Variants in THAP4 observed in about 807,000 individuals in gnomAD.
THAP4 encodes the protein peroxynitrite isomerase THAP4.
In THAP4, 18 loss-of-function variants were observed where a neutral mutation model predicts 48.1. That is an observed-to-expected ratio of 0.37 (90% CI 0.26 to 0.56). The LOEUF (loss-of-function observed/expected upper bound fraction) is 0.56. Among genes scored for constraint, THAP4 ranks in the 20% least tolerant of loss-of-function variants. THAP4 has a pLI of 0.78. For missense variants in THAP4, 656 were observed against 774.9 expected, an observed-to-expected ratio of 0.85 and a Z score of 1.82; for synonymous variants, 345 against 324.9, an observed-to-expected ratio of 1.06 and a Z score of -0.66.
chr2:241,619,961 G>A (rs369176760), intron 2 of THAP4, among the ~76,000 whole-genome samples: 1 of 116,710 alleles, frequency 8.6e-6, no homozygotes, highest in Non-Finnish European at 1.8e-5. Context: ...TGAGTGAGGG[G>A]TGAGGGGTGA....
intron 2 of THAP4, among the ~76,000 whole-genome samples, chr2:241,623,044 C>T (rs573344383): frequency 3.3e-4 from 50 of 151,624 alleles, no homozygotes; most frequent in Non-Finnish European, 5.3e-4. Flanking sequence ...GGTGAAACCC[C>T]GTCTCTACTA....
chr2:241,608,015 C>T (rs1369738004), intron 2 of THAP4, among the ~76,000 whole-genome samples: 1 of 151,462 alleles, frequency 6.6e-6, no homozygotes, highest in Non-Finnish European at 1.5e-5. Context: ...CCTCCAGGCC[C>T]GCGCAAGCAG....
At chr2:241,621,700 G>C (rs2067430760) in intron 2 of THAP4, among the ~76,000 whole-genome samples, 1 of 152,120 alleles carries the variant, frequency 6.6e-6, no homozygotes, top group Non-Finnish European at 1.5e-5. Flanking sequence ...GAGATAAAAG[G>C]AGCAGAAGTA....
chr2:241,625,229 C>T (rs2067481953), intron 2 of THAP4, among the ~76,000 whole-genome samples: 1 of 152,154 alleles, frequency 6.6e-6, no homozygotes, highest in African/African-American at 2.4e-5. Flanking sequence ...AGTCCCAACA[C>T]TTTCAGAGGC....
At chr2:241,595,782 A>G (rs1327769484) in intron 5 of THAP4, among the ~76,000 whole-genome samples, 1 of 152,100 alleles carries the variant, frequency 6.6e-6, no homozygotes, top group Non-Finnish European at 1.5e-5. Context: ...GCCTCCCTCT[A>G]CCAGCAGAGG....
chr2:241,630,436 G>C (rs1309373845), intron 2 of THAP4, among the ~76,000 whole-genome samples: 1 of 152,194 alleles, frequency 6.6e-6, no homozygotes, highest in South Asian at 2.1e-4. Flanking sequence ...CTGTAATGGA[G>C]ACAAACTTCA....
At chr2:241,626,168 C>G (rs186468980) in intron 2 of THAP4, among the ~76,000 whole-genome samples, 3 of 152,280 alleles carry the variant, frequency 2.0e-5, no homozygotes, top group African/African-American at 7.2e-5. Flanking sequence ...AAAACTACAG[C>G]TTGGTGGCTC....
intron 2 of THAP4, among the ~76,000 whole-genome samples, chr2:241,622,965 C>T (rs935108872): frequency 6.6e-6 from 1 of 152,118 alleles, no homozygotes; most frequent in African/African-American, 2.4e-5. Context: ...CGGCTGTAAT[C>T]CCAGCACTTT....
At position 241,633,535 on chromosome 2, in the gene THAP4, C is replaced by G. The variant is rs146241024; in HGVS notation, c.622G>C (p.Gly208Arg). ...GDESATSSIEGGVTDKSGISM... is the reference protein window; with the variant it reads ...GDESATSSIERGVTDKSGISM... ...ATGCCACTCTTATCTGTCACGCCCC[C>G]TTCGATGGAGGAAGTGGCGCTCTCA... The change falls in exon 2 of 6, where the codon GGG (glycine) becomes CGG (arginine). Residue 208 changes from glycine (G) to arginine (R), a missense_variant. Gly to Arg is a moderately radical substitution (Grantham distance 125, BLOSUM62 -2). Around this residue, in one of 4 missense-constraint regions of THAP4, gnomAD observed 391 missense variants for 412.4 expected, o/e 0.95. Coordinates refer to ENST00000407315, the MANE Select transcript of THAP4 (RefSeq NM_015963.6). The surrounding 1 kb of genome is among the most constrained non-coding windows in gnomAD (Gnocchi z 7.5). 2,012 of 1,614,064 alleles carry G rather than the reference C, an allele frequency of 1.2e-3. 2 individuals carry two copies. The highest frequency in any genetic ancestry group is 1.5e-3 in the Non-Finnish European group (1,735 of 1,179,990).
intron 5 of THAP4, chr2:241,592,114 ACC>A (rs1332136466): frequency 3.9e-5 from 6 of 152,246 alleles, no homozygotes; most frequent in African/African-American, 1.2e-4. Context: ...CTCGCAGGTC[ACC>A]GGTGGCAGCC....
intron 5 of THAP4, among the ~76,000 whole-genome samples, chr2:241,600,006 T>C (rs1199598145): frequency 6.6e-6 from 1 of 151,796 alleles, no homozygotes; most frequent in Non-Finnish European, 1.5e-5. Flanking sequence ...GTCAGGAGTT[T>C]GTGACCAGCC....
chr2:241,635,424 T>A (rs1462052003), intron 1 of THAP4, among the ~76,000 whole-genome samples: 5 of 152,256 alleles, frequency 3.3e-5, no homozygotes, highest in African/African-American at 4.8e-5. Flanking sequence ...AGATCCTTCA[T>A]AACCATTTCT....
At position 241,633,337 on chromosome 2, in the gene THAP4, G is replaced by C. The variant is rs757707885; in HGVS notation, c.820C>G (p.Leu274Val). The C allele has an allele frequency of 5.6e-6, 9 of 1,612,594 alleles. No individual in the cohort carries two copies. Among genetic ancestry groups the C allele is most frequent in the African/African-American group, 2.7e-5 (2 of 74,878 alleles). ...DVEPSCSGSSLGPDKGLAQSP... is the reference protein window; with the variant it reads ...DVEPSCSGSSVGPDKGLAQSP... ...TGGGCCAGGCCCTTGTCGGGTCCCA[G>C]GCTGCTCCCACTGCAGCTTGGTTCC... The change falls in exon 2 of 6, where the codon CTG (leucine) becomes GTG (valine). Residue 274 changes from leucine to valine, a missense_variant. By Grantham distance (32) the Leu-to-Val change is conservative. Coordinates refer to ENST00000407315, the MANE Select transcript of THAP4 (RefSeq NM_015963.6). This position sits in a 1 kb window ranked among gnomAD's most constrained non-coding sequence, Gnocchi z 7.5.
At chr2:241,632,811 G>A (rs974415204) in intron 2 of THAP4, 106 bp downstream of exon 2, 16 of 843,404 alleles carry the variant, frequency 1.9e-5, no homozygotes, top group Non-Finnish European at 2.7e-5. Flanking sequence ...GAGAGCGCAG[G>A]GAGCTTGTGA....
intron 2 of THAP4, among the ~76,000 whole-genome samples, chr2:241,609,163 G>A (rs1416322903): frequency 1.3e-5 from 2 of 152,268 alleles, no homozygotes; most frequent in Non-Finnish European, 2.9e-5. Flanking sequence ...CCAGGTGGCC[G>A]TGGTGGAGGC....
chr2:241,625,444 T>C (rs71430371), intron 2 of THAP4, among the ~76,000 whole-genome samples: 5,031 of 141,732 alleles, frequency 0.035, 111 homozygotes, highest in Middle Eastern at 0.061. Flanking sequence ...CTCTGTACTA[T>C]GCACTCCAGC....
intron 2 of THAP4, among the ~76,000 whole-genome samples, chr2:241,620,742 T>C (rs534698257): frequency 2.6e-5 from 4 of 152,070 alleles, no homozygotes; most frequent in African/African-American, 7.2e-5. Context: ...TTCTCAATAC[T>C]GCACAGAGGC....
At chr2:241,597,644 A>G (rs757138314) in intron 5 of THAP4, among the ~76,000 whole-genome samples, 21 of 152,268 alleles carry the variant, frequency 1.4e-4, no homozygotes, top group Non-Finnish European at 2.8e-4. Context: ...TCCAAGACCC[A>G]GCTCTTCTTG....
intron 2 of THAP4, among the ~76,000 whole-genome samples, chr2:241,624,482 T>C (rs2067472311): frequency 6.7e-6 from 1 of 148,414 alleles, no homozygotes; most frequent in Admixed American, 6.6e-5. Flanking sequence ...TGAGACTCTT[T>C]CTCAAAAAAA....
Sources: gnomAD v4.1 joint callset for allele counts (sites outside exome capture counted in the v4.1 genomes callset) on GRCh38, gnomAD v4.1.1 for gene constraint, gnomAD v4.1.1 regional missense constraint, Gnocchi (gnomAD v3.1) non-coding constraint, MANE v1.5 for transcripts, NCBI Gene and HGNC (gene_info 2026-07-23, HGNC 2026-07-21) for gene names.